Variants in ZNF730 observed in about 807,000 individuals in gnomAD.
ZNF730 encodes the protein zinc finger protein 730.
In ZNF730, 12 loss-of-function variants were observed where a neutral mutation model predicts 12.6. The observed-to-expected ratio is 0.95, with a 90% CI of 0.61 to 1.54. The LOEUF is 1.54. ZNF730 is among the 40% of genes most tolerant of loss of function. The pLI, the probability that ZNF730 is intolerant of heterozygous loss-of-function variation, is 0.00. For synonymous variants in ZNF730, 194 were observed against 195.8 expected (o/e 0.99, Z 0.08); for missense variants, 643 against 583.5 (o/e 1.10, Z -1.05).
chr19:23,115,190 AG>A (rs1209904618), upstream of ZNF730, among the ~76,000 whole-genome samples: 1 of 151,954 alleles, frequency 6.6e-6, no homozygotes, highest in Non-Finnish European at 1.5e-5. Flanking sequence ...CAGAATTTCA[AG>A]GGTCTGTGGC....
At chr19:23,087,624 T>A (rs558670007) in intron 1 of ZNF730, among the ~76,000 whole-genome samples, 1 of 151,582 alleles carries the variant, frequency 6.6e-6, no homozygotes, top group East Asian at 1.9e-4. Flanking sequence ...CTTGCTTTTT[T>A]TTTTTTTTTG....
chr19:23,145,302 G>A lies in ZNF730; in HGVS notation c.258G>A (p.Trp86Ter). ...VICSHIAQDL[W>*]PEQGIKDYFQ... is the part of the protein sequence containing the mutation. ...GTTCTCATATTGCCCAAGACCTTTG[G>A]CCAGAGCAAGGCATAAAAGATTATT... The change falls in exon 4 of 4, where the codon TGG (tryptophan) becomes TGA (stop). Residue 86 changes from tryptophan (W) to a stop codon, truncating the protein, a stop_gained. Transcript: ENST00000597761. LOFTEE classifies it low-confidence loss of function (END_TRUNC). 6.4e-7 allele frequency: 1 copy of A among 1,567,626 alleles called. No homozygotes were observed. The highest frequency in any genetic ancestry group is 1.9e-5 in the Admixed American group (1 of 51,990).
At chr19:23,141,469 A>G (rs1213541753) in intron 3 of ZNF730, among the ~76,000 whole-genome samples, 1 of 152,170 alleles carries the variant, frequency 6.6e-6, no homozygotes, top group Non-Finnish European at 1.5e-5. Context: ...TGGGAGATTA[A>G]GGGGTAAGGA....
chr19:23,107,063 G>A (rs572496980), intron 1 of ZNF730, among the ~76,000 whole-genome samples: 24 of 128,652 alleles, frequency 1.9e-4, no homozygotes, highest in African/African-American at 6.0e-4. Context: ...CCGGAGTTGC[G>A]CATGTTTTTG....
rs1971019040 is a variant in ZNF730, at chr19:23,146,635, C to G, written c.*79C>G. ...TAAGATAATTCATACTGAAGAGAAA[C>G]CCTACAAATGTGAAGAATGTGGCAA... On this transcript the variant is annotated 3_prime_UTR_variant, in exon 4 of 4. Transcript: ENST00000597761. 2.6e-6 allele frequency: 4 copies of G among 1,565,178 alleles called. No individual in the cohort carries two copies. Among genetic ancestry groups the G allele is most frequent in the Non-Finnish European group, 3.5e-6 (4 of 1,138,100 alleles).
intron 1 of ZNF730, among the ~76,000 whole-genome samples, chr19:23,080,142 C>T (rs1031176333): frequency 7.9e-5 from 12 of 152,044 alleles, no homozygotes; most frequent in African/African-American, 2.9e-4. Context: ...GACAGAGTTT[C>T]ACCATGTTGG....
chr19:23,083,957 C>A (rs965968174), intron 1 of ZNF730, among the ~76,000 whole-genome samples: 1 of 151,800 alleles, frequency 6.6e-6, no homozygotes, highest in South Asian at 2.1e-4. Context: ...CTTTTGTTTC[C>A]TATGCTTTTG....
At chr19:23,126,807 C>G in intron 1 of ZNF730, 1 of 530,312 alleles carries the variant, frequency 1.9e-6, no homozygotes, top group South Asian at 1.5e-5. Flanking sequence ...ATTTTTTGCT[C>G]TTGCTTTATC....
chr19:23,094,010 G>A (rs1339684054), intron 1 of ZNF730, among the ~76,000 whole-genome samples: 3 of 152,128 alleles, frequency 2.0e-5, no homozygotes, highest in African/African-American at 4.8e-5. Context: ...GGCTCTCGCC[G>A]GGGTCAGAAC....
At chr19:23,133,974 C>G in intron 1 of ZNF730, 106 bp from the exon 2 acceptor site, 1 of 1,397,482 alleles carries the variant, frequency 7.2e-7, no homozygotes, top group Non-Finnish European at 9.8e-7. Flanking sequence ...TCAGTCACCC[C>G]TATAAGTAAG....
chr19:23,107,073 GT>G (rs71163445), intron 1 of ZNF730, among the ~76,000 whole-genome samples: 25 of 142,938 alleles, frequency 1.7e-4, no homozygotes, highest in Admixed American at 1.4e-4. Flanking sequence ...GCATGTTTTT[GT>G]TTTTTTTTTT....
intron 3 of ZNF730, among the ~76,000 whole-genome samples, chr19:23,141,597 A>C (rs1223557924): frequency 6.6e-6 from 1 of 152,188 alleles, no homozygotes; most frequent in Non-Finnish European, 1.5e-5. Context: ...TAACTATTTC[A>C]ACCTTTCTAC....
At chr19:23,080,313 A>C (rs964188833) in intron 1 of ZNF730, among the ~76,000 whole-genome samples, 1 of 151,940 alleles carries the variant, frequency 6.6e-6, no homozygotes, top group African/African-American at 2.4e-5. Context: ...TATCTGTTCC[A>C]TGTTTTGCCT....
intron 1 of ZNF730, among the ~76,000 whole-genome samples, chr19:23,087,898 C>T (rs890214344): frequency 2.0e-5 from 3 of 152,112 alleles, no homozygotes; most frequent in Non-Finnish European, 4.4e-5. Context: ...CAGGTGTGAG[C>T]CACCACACTC....
chr19:23,145,525 A>G lies in ZNF730; in HGVS notation c.481A>G (p.Asn161Asp), dbSNP rs2145710178. Residue 161 changes from asparagine to aspartate, a missense_variant, in exon 4 of 4, where the codon AAC becomes GAC. By Grantham distance (23) the Asn-to-Asp change is conservative. Transcript: ENST00000597761. ...VKVFHKFSNSNRHKIRHTSKK... is the reference protein window; with the variant it reads ...VKVFHKFSNSDRHKIRHTSKK... ...AGTCTTTCATAAATTTTCAAATTCAAACAGACATAAGATAAGACATACTTC... is the reference window on the plus strand; with the variant it reads ...AGTCTTTCATAAATTTTCAAATTCAGACAGACATAAGATAAGACATACTTC... 1.3e-6 allele frequency: 2 copies of G among 1,558,878 alleles called. No homozygotes were observed. Among genetic ancestry groups the G allele is most frequent in the African/African-American group, 1.4e-5 (1 of 73,274 alleles).
intron 3 of ZNF730, among the ~76,000 whole-genome samples, chr19:23,139,526 A>AT (rs1279973115): frequency 6.6e-6 from 1 of 151,446 alleles, no homozygotes; most frequent in Non-Finnish European, 1.5e-5. Context: ...TTTTGTTTTT[A>AT]TTTTTTGTTT....
chr19:23,122,512 T>C (rs1160453879), intron 1 of ZNF730, among the ~76,000 whole-genome samples: 4 of 152,146 alleles, frequency 2.6e-5, no homozygotes, highest in Non-Finnish European at 4.4e-5. Flanking sequence ...CAACACAGAA[T>C]GATAAAGAAT....
At chr19:23,143,729 T>C (rs1299301537) in intron 3 of ZNF730, 1 of 152,188 alleles carries the variant, frequency 6.6e-6, no homozygotes, top group Non-Finnish European at 1.5e-5. Flanking sequence ...AGCTATTTTT[T>C]TTCCCAGGAC....
intron 1 of ZNF730, among the ~76,000 whole-genome samples, chr19:23,130,590 T>G (rs1338915147): frequency 6.6e-6 from 1 of 152,218 alleles, no homozygotes; most frequent in Non-Finnish European, 1.5e-5. Context: ...AACAGAAGGG[T>G]TGTTATGATT....
Sources: gnomAD v4.1 joint callset for allele counts (sites outside exome capture counted in the v4.1 genomes callset) on GRCh38, gnomAD v4.1.1 for gene constraint, MANE v1.5 for transcripts, NCBI Gene and HGNC (gene_info 2026-07-23, HGNC 2026-07-21) for gene names.